The following EFCAB3 variants were observed in gnomAD, a reference collection of about 807,000 sequenced individuals.
The protein encoded by EFCAB3 is EF-hand calcium binding domain 3, also known as EF-hand calcium-binding domain-containing protein 3.
Under a neutral mutation model 42.2 loss-of-function variants are expected in EFCAB3, and 36 were observed. That is an observed-to-expected ratio of 0.85 (90% confidence interval 0.65 to 1.13). EFCAB3 has a LOEUF of 1.13. Among genes scored for constraint, EFCAB3 ranks in the 50% most tolerant of loss-of-function variants. The pLI, the probability that EFCAB3 is intolerant of heterozygous loss-of-function variation, is 0.00. For synonymous variants in EFCAB3, 170 were observed against 172.8 expected (o/e 0.98, Z 0.13); for missense variants, 418 against 505.1 (o/e 0.83, Z 1.65).
exon 2 of EFCAB3, chr17:62,373,867 C>T (rs562922307): frequency 3.5e-5 from 50 of 1,430,178 alleles, no homozygotes; most frequent in Non-Finnish European, 4.5e-5. Context: ...GAAGTTTAAA[C>T]GTAAGTGAAA....
At chr17:62,385,970 A>G (rs369077194) in intron 2 of EFCAB3, among the ~76,000 whole-genome samples, 120 of 149,870 alleles carry the variant, frequency 8.0e-4, no homozygotes, top group Middle Eastern at 6.8e-3. Context: ...CTCGTGATCC[A>G]CCCGCCTTGG....
chr17:62,402,957 C>T (rs1329631096), intron 6 of EFCAB3, among the ~76,000 whole-genome samples: 1 of 152,174 alleles, frequency 6.6e-6, no homozygotes, highest in Non-Finnish European at 1.5e-5. Flanking sequence ...ATTATTGCCT[C>T]AATTTCAGAG....
At chr17:62,385,333 C>G (rs1372225684) in intron 2 of EFCAB3, among the ~76,000 whole-genome samples, 1 of 152,104 alleles carries the variant, frequency 6.6e-6, no homozygotes, top group Non-Finnish European at 1.5e-5. Context: ...GTTCCAATTA[C>G]TCAGGAAACT....
At chr17:62,409,062 A>G (rs2070472418) in intron 8 of EFCAB3, among the ~76,000 whole-genome samples, 1 of 152,022 alleles carries the variant, frequency 6.6e-6, no homozygotes, top group Non-Finnish European at 1.5e-5. Context: ...TTTTCACTTT[A>G]ATAATTTTTT....
chr17:62,415,581 C>T (rs567115058), intron 9 of EFCAB3, among the ~76,000 whole-genome samples: 4 of 152,168 alleles, frequency 2.6e-5, no homozygotes, highest in East Asian at 1.9e-4. Flanking sequence ...TTGTGCTGTC[C>T]CCTCTCCCTG....
Position 62,416,147 on chromosome 17 carries a change from A to G in EFCAB3, c.1135A>G (p.Thr379Ala), listed in dbSNP as rs780684183. Residue 379 changes from threonine (T) to alanine (A), a missense_variant, in exon 10 of 10, where the codon ACA becomes GCA. Thr to Ala is a moderately conservative substitution (Grantham distance 58). Coordinates refer to ENST00000305286, the MANE Select transcript of EFCAB3 (RefSeq NM_173503.4). ...ESFYDTFSTY[T>A]WSWNVCQELL... ...CTTTTATGACACCTTTTCTACTTAT[A>G]CATGGTCCTGGAATGTTTGCCAAGA... 33 of 1,613,822 alleles carry G rather than the reference A, an allele frequency of 2.0e-5. No individual in the cohort carries two copies. Among genetic ancestry groups the G allele is most frequent in the Non-Finnish European group, 2.5e-5 (30 of 1,179,864 alleles).
upstream of EFCAB3, among the ~76,000 whole-genome samples, chr17:62,377,043 A>G (rs968057222): frequency 6.7e-6 from 1 of 148,840 alleles, no homozygotes; most frequent in South Asian, 2.1e-4. Flanking sequence ...GCCAAGCAAT[A>G]GAGAGAGAGA....
In EFCAB3 at chr17:62,387,391, G is replaced by C; in HGVS notation, c.126G>C (p.Lys42Asn). The C allele has an allele frequency of 6.2e-7, 1 of 1,611,898 alleles. No individual in the cohort carries two copies. The highest frequency in any genetic ancestry group is 8.5e-7 in the Non-Finnish European group (1 of 1,178,804). Reference sequence around the variant, plus strand: ...AATGCCAATTACAACACAAAGAAAAGAAGCTAAGTGCTTCACAAATGGCAG... The same window carrying C: ...AATGCCAATTACAACACAAAGAAAACAAGCTAAGTGCTTCACAAATGGCAG... ...SLQCQLQHKE[K>N]KLSASQMAAF... Residue 42 changes from lysine (K) to asparagine (N), a missense_variant, in exon 3 of 10, where the codon AAG becomes AAC. By Grantham distance (94) the Lys-to-Asn change is moderately conservative. Transcript: ENST00000305286.
At chr17:62,393,537 C>T in intron 4 of EFCAB3, 36 bp from the exon 5 acceptor site, 1 of 1,514,216 alleles carries the variant, frequency 6.6e-7, no homozygotes, top group South Asian at 1.1e-5. Flanking sequence ...TAAAATACAT[C>T]TTATCCTTGT....
At chr17:62,373,690 C>T (rs1022854201) in intron 1 of EFCAB3, 2 of 620,604 alleles carry the variant, frequency 3.2e-6, no homozygotes, top group South Asian at 3.8e-5. Flanking sequence ...CCAAAGCAAA[C>T]CAATGTTTCT....
intron 8 of EFCAB3, among the ~76,000 whole-genome samples, 192 bp downstream of exon 8, chr17:62,407,404 A>G (rs1415556964): frequency 2.0e-5 from 3 of 152,210 alleles, no homozygotes; most frequent in African/African-American, 4.8e-5. Context: ...TAAACTTACT[A>G]AAAAATACAG....
chr17:62,406,960 AT>A (rs2070453147), intron 7 of EFCAB3, 67 bp from the exon 8 acceptor site: 2 of 1,496,224 alleles, frequency 1.3e-6, no homozygotes, highest in African/African-American at 2.8e-5. Flanking sequence ...CAGGCACCAC[AT>A]GCTGGTCTTT....
chr17:62,385,282 A>C (rs989663201), intron 2 of EFCAB3, among the ~76,000 whole-genome samples: 4 of 152,134 alleles, frequency 2.6e-5, no homozygotes, highest in African/African-American at 9.7e-5. Context: ...TGTCTCTACA[A>C]AAAATAAAAA....
upstream of EFCAB3, chr17:62,378,104 C>A: frequency 8.9e-7 from 1 of 1,129,640 alleles, no homozygotes; most frequent in South Asian, 1.5e-5. Context: ...GTTACTTTCC[C>A]TAATTGTCTT....
At position 62,383,644 on chromosome 17, in the gene EFCAB3, C is replaced by A. The variant is rs189104409; in HGVS notation, c.74+591C>A. 5.5e-4 allele frequency among the ~76,000 whole-genome samples: 83 copies of A among 152,104 alleles called. 2 individuals are homozygous for A. In the East Asian group the frequency reaches 0.013, roughly 24 times the overall value. On this transcript the variant is annotated intron_variant, in intron 2 of 9. Coordinates refer to ENST00000305286, the MANE Select transcript of EFCAB3 (RefSeq NM_173503.4). ...TATACATCTTTTTTGATAGGAAGAG[C>A]AGAATTCTCCCTCCTGTCCTCCCAA...
chr17:62,413,741 A>G lies in EFCAB3; in HGVS notation c.877A>G (p.Ile293Val). The G allele has an allele frequency of 6.2e-7, 1 of 1,601,202 alleles. No individual in the cohort carries two copies. The change falls in exon 9 of 10, where the codon ATA becomes GTA. Residue 293 changes from isoleucine to valine, a missense_variant. By Grantham distance (29) the Ile-to-Val change is conservative. Coordinates refer to ENST00000305286, the MANE Select transcript of EFCAB3 (RefSeq NM_173503.4). ...TTAAATATGCATAAAGGCAGCAAAT[A>G]TAAAGTCTATGGACCCTGCCTCAGG... is the stretch of plus-strand genomic sequence containing the variant. ...KRDWKTQAAN[I>V]KSMDPASGYS...
intron 1 of EFCAB3, chr17:62,380,832 A>G (rs556733187): frequency 2.8e-4 from 44 of 154,482 alleles, no homozygotes; most frequent in African/African-American, 1.0e-3. Flanking sequence ...TTGTTTAGAA[A>G]CAACTGCTTT....
intron 6 of EFCAB3, among the ~76,000 whole-genome samples, chr17:62,401,129 T>A (rs1363602241): frequency 6.6e-6 from 1 of 152,012 alleles, no homozygotes; most frequent in Non-Finnish European, 1.5e-5. Flanking sequence ...ACTTTTTGAT[T>A]AGGTTGTTTG....
At chr17:62,396,341 T>G (rs1178214408) in intron 6 of EFCAB3, among the ~76,000 whole-genome samples, 2 of 151,990 alleles carry the variant, frequency 1.3e-5, no homozygotes, top group Non-Finnish European at 2.9e-5. Context: ...AATCACAAGG[T>G]CAGGAATTCG....
Sources: allele counts gnomAD v4.1 joint callset (sites outside exome capture counted in the v4.1 genomes callset), GRCh38; gene constraint gnomAD v4.1.1; transcripts MANE v1.5; gene names NCBI Gene and HGNC (gene_info 2026-07-23, HGNC 2026-07-21).